Variants in ADGRF3 observed in about 807,000 individuals in gnomAD.
The protein encoded by ADGRF3 is G protein-coupled receptor 113.
Under a neutral mutation model 93.2 loss-of-function variants are expected in ADGRF3, and 85 were observed. The observed-to-expected ratio is 0.91, with a 90% CI of 0.77 to 1.09. The LOEUF is 1.09. Among genes scored for constraint, ADGRF3 ranks in the 50% least tolerant of loss-of-function variants. The pLI, the probability that ADGRF3 is intolerant of heterozygous loss-of-function variation, is 0.00. For missense variants in ADGRF3, 1,125 were observed against 1,246.2 expected (o/e 0.90, Z 1.46); for synonymous variants, 534 against 532.5 (o/e 1.00, Z -0.04).
chr2:26,331,208 C>T (rs1470158956), intron 1 of ADGRF3, among the ~76,000 whole-genome samples: 2 of 151,924 alleles, frequency 1.3e-5, no homozygotes, highest in Non-Finnish European at 2.9e-5. Context: ...TTTTGAGGTC[C>T]GTTTTATGGG....
intron 1 of ADGRF3, among the ~76,000 whole-genome samples, chr2:26,345,225 A>C (rs192113806): frequency 6.6e-6 from 1 of 152,342 alleles, no homozygotes; most frequent in Admixed American, 6.5e-5. Flanking sequence ...GAAGGCGCTC[A>C]ATAAAAAGCA....
intron 4 of ADGRF3, 148 bp downstream of exon 4, chr2:26,316,127 C>T: frequency 1.3e-6 from 1 of 784,444 alleles, no homozygotes; most frequent in Non-Finnish European, 2.0e-6. Context: ...GGCCTGTGAT[C>T]TGCTATGATG....
At chr2:26,315,424 C>A in intron 5 of ADGRF3, 98 bp downstream of exon 5, 1 of 1,235,920 alleles carries the variant, frequency 8.1e-7, no homozygotes, top group East Asian at 2.6e-5. Flanking sequence ...GGGAGGGAGG[C>A]GTGGGAAGAA....
At chr2:26,337,341 C>T (rs1454934269) in intron 1 of ADGRF3, among the ~76,000 whole-genome samples, 1 of 152,188 alleles carries the variant, frequency 6.6e-6, no homozygotes, top group Non-Finnish European at 1.5e-5. Context: ...TATTGTTCTC[C>T]CAGCTTCATT....
Position 26,346,415 on chromosome 2 carries a change from C to T in ADGRF3, c.-181G>A. 3 of 1,205,668 alleles carry T rather than the reference C, an allele frequency of 2.5e-6. No individual in the cohort carries two copies. The highest frequency in any genetic ancestry group is 3.3e-6 in the Non-Finnish European group (3 of 903,806). 74.7% of individuals were successfully genotyped at this position (1,205,668 alleles called of 1,614,324 possible). ...TCCGGGCGGGCTGGCGGGCGTTCCT[C>T]CGGAGGTCCTGCGGGTCCTGGGGAT... On this transcript the variant is annotated 5_prime_UTR_variant, in exon 1 of 14. Coordinates refer to ENST00000651242, the MANE Select transcript of ADGRF3 (RefSeq NM_001321971.2).
chr2:26,344,515 A>T (rs1676584400), intron 1 of ADGRF3, among the ~76,000 whole-genome samples: 2 of 152,208 alleles, frequency 1.3e-5, no homozygotes, highest in Non-Finnish European at 2.9e-5. Flanking sequence ...TTGCTCATTC[A>T]TTCAATAAAA....
At chr2:26,314,161 A>G (rs1674444249) in intron 6 of ADGRF3, among the ~76,000 whole-genome samples, 1 of 152,234 alleles carries the variant, frequency 6.6e-6, no homozygotes, top group African/African-American at 2.4e-5. Context: ...ACTACCATCA[A>G]ACTAATTCCA....
intron 1 of ADGRF3, among the ~76,000 whole-genome samples, chr2:26,326,495 G>A (rs1361667411): frequency 6.6e-6 from 1 of 152,056 alleles, no homozygotes; most frequent in Non-Finnish European, 1.5e-5. Context: ...GCCAAACCAT[G>A]CAGTAGTGAA....
chr2:26,331,957 T>TC (rs1264376097), intron 1 of ADGRF3, among the ~76,000 whole-genome samples: 1 of 152,214 alleles, frequency 6.6e-6, no homozygotes, highest in Non-Finnish European at 1.5e-5. Flanking sequence ...CTCCTTTTTT[T>TC]CTCCCTTATT....
rs1203383004 is a variant in ADGRF3 at position 26,313,590 on chromosome 2, A to G, written c.1073-17T>C. ...TGTCTCCATCTGAAGAATGACGAGCAGGCGCTACTCAGCAATCACAGCCTC... is the reference window on the plus strand; with the variant it reads ...TGTCTCCATCTGAAGAATGACGAGCGGGCGCTACTCAGCAATCACAGCCTC... On this transcript the variant is annotated splice_polypyrimidine_tract_variant and intron_variant, in intron 7 of 13. Coordinates refer to ENST00000651242, the MANE Select transcript of ADGRF3 (RefSeq NM_001321971.2). 4.4e-6 allele frequency: 7 copies of G among 1,596,294 alleles called. No individual in the cohort carries two copies. Among genetic ancestry groups the G allele is most frequent in the Non-Finnish European group, 6.0e-6 (7 of 1,173,264 alleles).
chr2:26,313,181 G>A, intron 8 of ADGRF3, 59 bp from the exon 9 acceptor site: 1 of 1,587,612 alleles, frequency 6.3e-7, no homozygotes, highest in Non-Finnish European at 8.6e-7. Context: ...TTTGAGAAGA[G>A]CATCCCAGAC....
intron 1 of ADGRF3, among the ~76,000 whole-genome samples, chr2:26,336,346 T>TGAGTGTG (rs1676036958): frequency 1.5e-5 from 1 of 68,934 alleles, no homozygotes; most frequent in Non-Finnish European, 3.7e-5. Context: ...GAGTGTGTGT[T>TGAGTGTG]TGTATGTATG....
At chr2:26,346,030 G>T in intron 1 of ADGRF3, 91 bp downstream of exon 1, 1 of 1,333,376 alleles carries the variant, frequency 7.5e-7, no homozygotes, top group Non-Finnish European at 1.0e-6. Flanking sequence ...GATGGGCGGG[G>T]AGAAGCGTGG....
intron 10 of ADGRF3, 68 bp from the exon 11 acceptor site, chr2:26,310,305 T>C: frequency 6.4e-7 from 1 of 1,554,756 alleles, no homozygotes; most frequent in South Asian, 1.1e-5. Flanking sequence ...ACATGCTCCT[T>C]CTGTCCTGTG....
rs990110967 is a variant in ADGRF3 at position 26,308,996 on chromosome 2, G to C, written c.*90C>G. 1 of 1,576,294 alleles carries C rather than the reference G, an allele frequency of 6.3e-7. No homozygotes were observed. The highest frequency in any genetic ancestry group is 1.3e-5 in the African/African-American group (1 of 74,200). On this transcript the variant is annotated 3_prime_UTR_variant, in exon 14 of 14. Coordinates refer to ENST00000651242, the MANE Select transcript of ADGRF3 (RefSeq NM_001321971.2). ...TCAAGGGCTGAGCTCCGGGAGGCGG[G>C]AAGAGTTCAGAGCATTGGGCCAGGG...
intron 12 of ADGRF3, 99 bp downstream of exon 12, chr2:26,309,944 T>C (rs1673906208): frequency 6.2e-7 from 1 of 1,612,534 alleles, no homozygotes; most frequent in Admixed American, 1.7e-5. Flanking sequence ...CAATCTTCTC[T>C]CAGCTTCTGG....
At chr2:26,339,114 CAAAAAAAAAA>C (rs61584458) in intron 1 of ADGRF3, among the ~76,000 whole-genome samples, 79 of 39,666 alleles carry the variant, frequency 2.0e-3, no homozygotes, top group South Asian at 0.017. Flanking sequence ...GACTCCGTCA[CAAAAAAAAAA>C]AAAAAAAAAA....
At chr2:26,337,959 G>A (rs1205430207) in intron 1 of ADGRF3, among the ~76,000 whole-genome samples, 1 of 152,140 alleles carries the variant, frequency 6.6e-6, no homozygotes, top group African/African-American at 2.4e-5. Context: ...GGAAGCAGAG[G>A]TTGCAGTGAG....
intron 1 of ADGRF3, chr2:26,319,101 G>A: frequency 6.6e-7 from 1 of 1,522,272 alleles, no homozygotes; most frequent in South Asian, 1.2e-5. Flanking sequence ...CCGCAAGGAA[G>A]AGCTGGCAGG....
Sources: allele counts gnomAD v4.1 joint callset (sites outside exome capture counted in the v4.1 genomes callset), GRCh38; gene constraint gnomAD v4.1.1; transcripts MANE v1.5; gene names NCBI Gene and HGNC (gene_info 2026-07-23, HGNC 2026-07-21).